The following EFNA1 variants were observed in gnomAD, a reference collection of about 807,000 sequenced individuals.
EFNA1 encodes ephrin-A1.
In EFNA1, 8 loss-of-function variants were observed where a neutral mutation model predicts 23.2. That is an observed-to-expected ratio of 0.34 (90% confidence interval 0.20 to 0.62). The LOEUF (loss-of-function observed/expected upper bound fraction) is 0.62, where lower values mean the gene tolerates loss of function less well. EFNA1 is among the 20% of genes least tolerant of loss of function. The probability of loss-of-function intolerance (pLI) is 0.75; values close to 1 mark genes in which losing one functional copy is unlikely to be tolerated. For missense variants in EFNA1, 217 were observed against 260.0 expected (o/e 0.83, Z 1.14); for synonymous variants, 89 against 98.6 (o/e 0.90, Z 0.58).
chr1:155,132,539 C>T (rs191329469), intron 2 of EFNA1, among the ~76,000 whole-genome samples: 18 of 151,696 alleles, frequency 1.2e-4, no homozygotes, highest in East Asian at 2.0e-4. Context: ...TGAACCACCG[C>T]GCATGGCCTG....
intron 1 of EFNA1, among the ~76,000 whole-genome samples, chr1:155,129,226 G>A (rs760375233): frequency 2.0e-5 from 3 of 152,102 alleles, no homozygotes; most frequent in East Asian, 1.9e-4. Context: ...GATGCATCTC[G>A]CCCTAGTATG....
At position 155,131,550 on chromosome 1, in the gene EFNA1, G is replaced by T; in HGVS notation, c.304G>T (p.Glu102Ter). Residue 102 changes from glutamate to a stop codon, truncating the protein, a stop_gained, in exon 2 of 5, where the codon GAG (glutamate) becomes TAG (stop). Coordinates refer to ENST00000368407, the MANE Select transcript of EFNA1 (RefSeq NM_004428.3). LOFTEE classifies it high-confidence loss of function. ...CCGGCCCAGTGCCAAGCATGGCCCG[G>T]AGAAGCTGTCTGAGAAGTTCCAGCG... is the stretch of plus-strand genomic sequence containing the variant. ...CNRPSAKHGPEKLSEKFQRFT... is the reference protein window; with the variant it reads ...CNRPSAKHGP 6.2e-7 allele frequency: 1 copy of T among 1,613,942 alleles called. No individual in the cohort carries two copies. The highest frequency in any genetic ancestry group is 8.5e-7 in the Non-Finnish European group (1 of 1,180,002).
intron 1 of EFNA1, among the ~76,000 whole-genome samples, chr1:155,128,958 C>T (rs1410944860): frequency 2.0e-5 from 3 of 152,130 alleles, no homozygotes; most frequent in South Asian, 2.1e-4. Flanking sequence ...CTTGGTATCA[C>T]GAAAGCCATC....
intron 1 of EFNA1, chr1:155,129,972 C>G (rs977361705): frequency 1.3e-5 from 2 of 152,454 alleles, no homozygotes; most frequent in Admixed American, 6.5e-5. Flanking sequence ...GGGAAAGACG[C>G]CAGGCCCAGA....
chr1:155,130,461 GGAGGAGGGGA>G (rs1224479285), intron 1 of EFNA1: 22 of 963,726 alleles, frequency 2.3e-5, no homozygotes, highest in South Asian at 4.8e-5. Flanking sequence ...CTCCACCTTG[GGAGGAGGGGA>G]GAGGAGGGGA....
chr1:155,133,815 G>A, intron 4 of EFNA1, 35 bp downstream of exon 4: 1 of 1,613,616 alleles, frequency 6.2e-7, no homozygotes, highest in South Asian at 1.1e-5. Context: ...CTGGGGCACA[G>A]GAAGGGGTCT....
chr1:155,132,052 G>A (rs779240950), intron 2 of EFNA1, among the ~76,000 whole-genome samples: 7 of 151,900 alleles, frequency 4.6e-5, no homozygotes, highest in Non-Finnish European at 7.4e-5. Context: ...GAAGGCACAC[G>A]TACAAAGGGA....
At chr1:155,132,486 G>C (rs1002374554) in intron 2 of EFNA1, among the ~76,000 whole-genome samples, 1 of 151,786 alleles carries the variant, frequency 6.6e-6, no homozygotes, top group Non-Finnish European at 1.5e-5. Flanking sequence ...GACCTCAAGT[G>C]ATCTGCCCGC....
In EFNA1 at chr1:155,127,914, G is replaced by C. The variant is rs1664133852; in HGVS notation, c.-64G>C. ...CAGCGCTGACTGCGCCGCGGAGAAA[G>C]CCAGTGGGAACCCAGACCCATAGGA... On this transcript the variant is annotated 5_prime_UTR_variant, in exon 1 of 5. Transcript: ENST00000368407. The surrounding 1 kb of genome is among the most constrained non-coding windows in gnomAD (Gnocchi z 4.4). The C allele has an allele frequency of 7.6e-7, 1 of 1,313,456 alleles. No homozygotes were observed. Among genetic ancestry groups the C allele is most frequent in the South Asian group, 1.2e-5 (1 of 81,760 alleles). 81.4% of individuals were successfully genotyped at this position (1,313,456 alleles called of 1,614,324 possible).
chr1:155,128,941 T>G (rs916265936), intron 1 of EFNA1, among the ~76,000 whole-genome samples: 1 of 151,974 alleles, frequency 6.6e-6, no homozygotes, highest in African/African-American at 2.4e-5. Flanking sequence ...GGGAGAGAAG[T>G]GGGCAGCTTG....
intron 4 of EFNA1, 41 bp from the exon 5 acceptor site, chr1:155,133,914 G>T (rs752373896): frequency 6.2e-7 from 1 of 1,605,992 alleles, no homozygotes; most frequent in Non-Finnish European, 8.5e-7. Flanking sequence ...ACAAATAGTG[G>T]AGCCACTCAC....
rs750439512 is a variant in EFNA1, at chr1:155,131,347, A to G, written c.101A>G (p.Asn34Ser). The G allele has an allele frequency of 1.1e-5, 17 of 1,602,012 alleles. No homozygotes were observed. Among genetic ancestry groups the G allele is most frequent in the Non-Finnish European group, 1.5e-5 (17 of 1,169,968 alleles). ...FWNSSNPKFR[N>S]EDYTIHVQLN... ...CCTGTGTGTGTCCCCAGGTTCCGGA[A>G]TGAGGACTACACCATACATGTGCAG... Residue 34 changes from asparagine (N) to serine (S), a missense_variant, in exon 2 of 5, where the codon AAT becomes AGT. Physicochemically the swap from Asn to Ser is conservative, Grantham distance 46. Transcript: ENST00000368407.
At chr1:155,130,624 C>CT in intron 1 of EFNA1, 5 of 985,010 alleles carry the variant, frequency 5.1e-6, no homozygotes, top group Non-Finnish European at 6.0e-6. Flanking sequence ...TTGGGGTGCT[C>CT]TGAGAAGGGG....
rs1374743490 is a variant in EFNA1, at chr1:155,130,482, GA to G, written c.93-856del. On this transcript the variant is annotated intron_variant, in intron 1 of 4. Transcript: ENST00000368407. The stretch of plus-strand genomic sequence containing the variant: ...CTTGGGAGGAGGGGAGAGGAGGGGA[GA>G]GGGGGAGAGGAGGAGAGAGGGGAGA... 1.3e-5 allele frequency: 13 copies of G among 978,950 alleles called. No homozygotes were observed. The East Asian group carries it at 4.6e-4, about 34-fold the overall frequency. The allele number at this position is 978,950 out of a possible 1,614,324, so 60.6% of individuals were successfully genotyped here.
At chr1:155,130,840 T>C (rs1664226295) in intron 1 of EFNA1, 1 of 985,120 alleles carries the variant, frequency 1.0e-6, no homozygotes, top group Non-Finnish European at 1.2e-6. Context: ...GTAAGGAAAG[T>C]GAAGACACAG....
rs921715420 is a variant in EFNA1 at position 155,134,516 on chromosome 1, A to G, written c.*449A>G. ...ACAGTTTCTTGCTTGGAAGCCAGGTACAGGAGAGGCAGCATGCTTGGGCTG... is the reference window on the plus strand; with the variant it reads ...ACAGTTTCTTGCTTGGAAGCCAGGTGCAGGAGAGGCAGCATGCTTGGGCTG... On this transcript the variant is annotated 3_prime_UTR_variant, in exon 5 of 5. Transcript: ENST00000368407. 9 of 220,890 alleles carry G rather than the reference A, an allele frequency of 4.1e-5. No homozygotes were observed. The highest frequency in any genetic ancestry group is 8.3e-5 in the Non-Finnish European group (9 of 108,848). The allele number at this position is 220,890 out of a possible 1,614,324, so 13.7% of individuals were successfully genotyped here.
intron 1 of EFNA1, 38 bp downstream of exon 1, chr1:155,128,107 G>A (rs1010823690): frequency 1.1e-5 from 17 of 1,577,442 alleles, no homozygotes; most frequent in Admixed American, 1.7e-5. Flanking sequence ...CTGGGCTCCC[G>A]GCTGGCACTA....
At chr1:155,132,980 G>A (rs926307788) in intron 2 of EFNA1, among the ~76,000 whole-genome samples, 2 of 151,782 alleles carry the variant, frequency 1.3e-5, no homozygotes, top group Admixed American at 6.6e-5. Context: ...GCACGATCTC[G>A]ACTTGCTGCA....
At chr1:155,133,450 C>T (rs1020851073) in intron 2 of EFNA1, 53 bp from the exon 3 acceptor site, 3 of 1,603,540 alleles carry the variant, frequency 1.9e-6, no homozygotes, top group African/African-American at 1.3e-5. Context: ...TTTGGACTTA[C>T]ATTTTCTTCC....
Sources: allele counts gnomAD v4.1 joint callset (sites outside exome capture counted in the v4.1 genomes callset), GRCh38; gene constraint gnomAD v4.1.1; non-coding constraint Gnocchi (gnomAD v3.1); transcripts MANE v1.5; gene names NCBI Gene and HGNC (gene_info 2026-07-23, HGNC 2026-07-21).